The following CD109 variants were observed in gnomAD, a reference collection of about 807,000 sequenced individuals.
The protein encoded by CD109 is CD109 molecule.
CD109 carries 149 observed loss-of-function variants against 165.8 expected under a neutral mutation model. The observed-to-expected ratio is 0.90, with a 90% CI of 0.79 to 1.03. The LOEUF (loss-of-function observed/expected upper bound fraction) is 1.03. CD109 is among the 50% of genes least tolerant of loss of function. The pLI is 0.00. For synonymous variants in CD109, 585 were observed against 592.1 expected (o/e 0.99, Z 0.18); for missense variants, 1,712 against 1,677.8 (o/e 1.02, Z -0.36).
chr6:73,787,639 C>T (rs1359779031), intron 21 of CD109, among the ~76,000 whole-genome samples, 187 bp downstream of exon 21: 1 of 152,154 alleles, frequency 6.6e-6, no homozygotes, highest in Non-Finnish European at 1.5e-5. Flanking sequence ...TGCCAATTTC[C>T]TCTTTAAATT....
intron 2 of CD109, among the ~76,000 whole-genome samples, chr6:73,722,010 A>G (rs1204794738): frequency 6.6e-6 from 1 of 152,214 alleles, no homozygotes; most frequent in Non-Finnish European, 1.5e-5. Flanking sequence ...TGCTGGGATT[A>G]TAGGTGTGAG....
At chr6:73,721,939 T>A (rs1468573640) in intron 2 of CD109, among the ~76,000 whole-genome samples, 2 of 152,150 alleles carry the variant, frequency 1.3e-5, no homozygotes, top group African/African-American at 4.8e-5. Flanking sequence ...TTTTGCCATG[T>A]TGGCCAGGCT....
chr6:73,770,946 C>G (rs1177011829), intron 14 of CD109, among the ~76,000 whole-genome samples: 1 of 152,276 alleles, frequency 6.6e-6, no homozygotes, highest in East Asian at 1.9e-4. Context: ...GCTCTAACCA[C>G]CCACTCCCTT....
chr6:73,737,125 CTG>C (rs1354941781), intron 5 of CD109, among the ~76,000 whole-genome samples: 3 of 152,182 alleles, frequency 2.0e-5, no homozygotes, highest in Admixed American at 6.5e-5. Flanking sequence ...TGAGACTTAA[CTG>C]TTTTATGTGA....
At chr6:73,781,753 A>T (rs558066043) in intron 17 of CD109, among the ~76,000 whole-genome samples, 1 of 150,656 alleles carries the variant, frequency 6.6e-6, no homozygotes, top group South Asian at 2.1e-4. Context: ...TCTGGTACAC[A>T]CACACACACA....
intron 24 of CD109, among the ~76,000 whole-genome samples, chr6:73,805,018 G>A (rs980266035): frequency 6.6e-6 from 1 of 152,220 alleles, no homozygotes; most frequent in Non-Finnish European, 1.5e-5. Context: ...TGGAGAAGTT[G>A]TGGAGAGATA....
At chr6:73,791,917 T>A (rs956343359) in intron 22 of CD109, among the ~76,000 whole-genome samples, 2 of 152,196 alleles carry the variant, frequency 1.3e-5, no homozygotes, top group Admixed American at 1.3e-4. Flanking sequence ...GTTTTCAAAA[T>A]AAACTACATA....
In CD109 at chr6:73,815,051, C is replaced by A. The variant is rs772682977; in HGVS notation, c.3839C>A (p.Ala1280Asp). ...CGAAGATCTATCCAAAATCAAGAAGCCTTTGATTTAGATGTTGCTGTAAAA... is the reference window on the plus strand; with the variant it reads ...CGAAGATCTATCCAAAATCAAGAAGACTTTGATTTAGATGTTGCTGTAAAA... ...RRRRSIQNQE[A>D]FDLDVAVKEN... The change falls in exon 30 of 33, where the codon GCC (alanine) becomes GAC (aspartate). Residue 1280 changes from alanine to aspartate, a missense_variant. Ala to Asp is a moderately radical substitution (Grantham distance 126). Coordinates refer to ENST00000287097, the MANE Select transcript of CD109 (RefSeq NM_133493.5). 4 of 1,586,832 alleles carry A rather than the reference C, an allele frequency of 2.5e-6. No homozygotes were observed. The highest frequency in any genetic ancestry group is 4.6e-5 in the East Asian group (2 of 43,040).
chr6:73,792,918 C>A, intron 23 of CD109, 116 bp downstream of exon 23: 1 of 726,534 alleles, frequency 1.4e-6, no homozygotes, highest in Non-Finnish European at 2.2e-6. Context: ...AAGTGATGGG[C>A]TACACGGTGT....
At position 73,708,935 on chromosome 6, in the gene CD109, T is replaced by C. The variant is rs1174547820; in HGVS notation, c.247+11363T>C. 2.6e-5 allele frequency among the ~76,000 whole-genome samples: 4 copies of C among 152,356 alleles called. No individual in the cohort carries two copies. In the South Asian group the frequency reaches 6.2e-4, roughly 24 times the overall value. Reference sequence around the variant, plus strand: ...AGATGAGTAGGTTGCAAAAATGTTCTCCCATTCTGTAGGCTGCCTGTTCAC... The same window carrying C: ...AGATGAGTAGGTTGCAAAAATGTTCCCCCATTCTGTAGGCTGCCTGTTCAC... On this transcript the variant is annotated intron_variant, in intron 2 of 32. Transcript: ENST00000287097.
intron 15 of CD109, among the ~76,000 whole-genome samples, chr6:73,776,167 C>T (rs1774235133): frequency 6.6e-6 from 1 of 152,208 alleles, no homozygotes; most frequent in Non-Finnish European, 1.5e-5. Context: ...TCTCTACAAC[C>T]TCTCCAGCAT....
chr6:73,753,344 CTG>C (rs1447066324), intron 5 of CD109, among the ~76,000 whole-genome samples: 7 of 152,092 alleles, frequency 4.6e-5, no homozygotes, highest in Admixed American at 3.3e-4. Context: ...TATTAATTCT[CTG>C]AATTATTATT....
In CD109 at chr6:73,696,315, G is replaced by A. The variant is rs1026189506; in HGVS notation, c.74+26G>A. The A allele has an allele frequency of 4.3e-6, 6 of 1,386,960 alleles. No homozygotes were observed. In the Admixed American group the frequency reaches 1.7e-4, roughly 39 times the overall value. The allele number at this position is 1,386,960 out of a possible 1,614,324, so 85.9% of individuals were successfully genotyped here. A position where few individuals can be genotyped will look rare whatever the true frequency, so the allele number is the denominator to read the frequency against. Reference sequence around the variant, plus strand: ...GTAGGAACGTGGGCGCGCGGGGGGCGCGCGGGCGCGCGGGCCTGGGCCGCT... The same window carrying A: ...GTAGGAACGTGGGCGCGCGGGGGGCACGCGGGCGCGCGGGCCTGGGCCGCT... On this transcript the variant is annotated intron_variant, in intron 1 of 32. Coordinates refer to ENST00000287097, the MANE Select transcript of CD109 (RefSeq NM_133493.5).
rs531102236 is a variant in CD109, at chr6:73,741,533, T to A, written c.633+5025T>A. Among the ~76,000 whole-genome samples the A allele has an allele frequency of 5.9e-5, 9 of 152,382 alleles. No individual in the cohort carries two copies. The East Asian group carries it at 1.7e-3, about 29-fold the overall frequency. ...GACTTGAAAATACACCTTAGGAAGA[T>A]AATGTGTTTTAAAAGTTAGACATTC... On this transcript the variant is annotated intron_variant, in intron 5 of 32. Coordinates refer to ENST00000287097, the MANE Select transcript of CD109 (RefSeq NM_133493.5).
Position 73,765,933 on chromosome 6 carries a change from A to C in CD109, c.1111A>C (p.Lys371Gln). 1 of 1,609,402 alleles carries C rather than the reference A, an allele frequency of 6.2e-7. No individual in the cohort carries two copies. Among genetic ancestry groups the C allele is most frequent in the Non-Finnish European group, 8.5e-7 (1 of 1,176,358 alleles). The change falls in exon 11 of 33, where the codon AAG (lysine) becomes CAG (glutamine). Residue 371 changes from lysine (K) to glutamine (Q), a missense_variant. Lys to Gln is a moderately conservative substitution (Grantham distance 53). Coordinates refer to ENST00000287097, the MANE Select transcript of CD109 (RefSeq NM_133493.5). ...KPSLNFTATV[K>Q]VTRADGNQLT... ...GATGTTTTGTTTTGACCATTAGGTG[A>C]AGGTAACTCGTGCTGATGGCAACCA... is the stretch of plus-strand genomic sequence containing the variant.
intron 2 of CD109, among the ~76,000 whole-genome samples, chr6:73,710,128 A>G (rs138140464): frequency 0.021 from 3,123 of 152,254 alleles, 112 homozygotes; most frequent in African/African-American, 0.071. Context: ...AAGGTATTCA[A>G]TTAGGAAAAG....
intron 22 of CD109, among the ~76,000 whole-genome samples, chr6:73,791,136 C>CACACACACACATAT (rs1478783898): frequency 1.6e-4 from 9 of 56,334 alleles, no homozygotes; most frequent in Middle Eastern, 0.01. Flanking sequence ...TACATACATA[C>CACACACACACATAT]ATATATATAT....
chr6:73,703,512 C>T (rs752358148), intron 2 of CD109, among the ~76,000 whole-genome samples: 4 of 152,170 alleles, frequency 2.6e-5, no homozygotes, highest in Non-Finnish European at 5.9e-5. Flanking sequence ...TTATTGGTGG[C>T]AGAGCTGGAA....
At chr6:73,727,758 T>G (rs1407209291) in intron 3 of CD109, among the ~76,000 whole-genome samples, 1 of 152,148 alleles carries the variant, frequency 6.6e-6, no homozygotes, top group Admixed American at 6.6e-5. Flanking sequence ...GGAAGAGCAA[T>G]CCCATCAAAT....
Sources: gnomAD v4.1 joint callset for allele counts (sites outside exome capture counted in the v4.1 genomes callset) on GRCh38, gnomAD v4.1.1 for gene constraint, MANE v1.5 for transcripts, NCBI Gene and HGNC (gene_info 2026-07-23, HGNC 2026-07-21) for gene names.